The following L2HGDH variants were observed in gnomAD, a reference collection of about 807,000 sequenced individuals.
L2HGDH encodes L-2-hydroxyglutarate dehydrogenase, mitochondrial.
In L2HGDH, 34 loss-of-function variants were observed where a neutral mutation model predicts 51.5. The ratio of observed to expected loss-of-function variants is 0.66; its 90% CI spans 0.50 to 0.88. The LOEUF (loss-of-function observed/expected upper bound fraction) is 0.88. Ranked by LOEUF, L2HGDH falls within the 40% of genes least tolerant of loss-of-function variation. The pLI is 0.00. For missense variants in L2HGDH, 558 were observed against 571.9 expected (o/e 0.98, Z 0.25); for synonymous variants, 198 against 197.9 (o/e 1.00, Z -0.01).
At chr14:50,262,441 A>G (rs1324243442) in intron 9 of L2HGDH, among the ~76,000 whole-genome samples, 2 of 151,992 alleles carry the variant, frequency 1.3e-5, no homozygotes, top group Non-Finnish European at 2.9e-5. Flanking sequence ...AAAAAAAAAA[A>G]AAAAGTCTAT....
intron 1 of L2HGDH, chr14:50,311,353 A>T: frequency 2.2e-6 from 1 of 455,944 alleles, no homozygotes; most frequent in South Asian, 1.6e-5. Context: ...AACTTCAGTC[A>T]CACTCATATG....
At chr14:50,301,577 C>T (rs763115864) in intron 3 of L2HGDH, among the ~76,000 whole-genome samples, 10 of 152,178 alleles carry the variant, frequency 6.6e-5, no homozygotes, top group South Asian at 2.1e-4. Context: ...CAAAAGACTA[C>T]ATAGTATATG....
At position 50,251,869 on chromosome 14, in the gene L2HGDH, G is replaced by A. The variant is rs1888371122; in HGVS notation, c.1197-4616C>T. ...TATGTCCTACAAGAAATACTAAAGA[G>A]AGTTCTTCAATCTGAAAGAAAAGGA... On this transcript the variant is annotated intron_variant, in intron 9 of 9. Coordinates refer to ENST00000267436, the MANE Select transcript of L2HGDH (RefSeq NM_024884.3). Among the ~76,000 whole-genome samples, 2 of 152,038 alleles carry A rather than the reference G, an allele frequency of 1.3e-5. 1 individual carries two copies. Among genetic ancestry groups the A allele is most frequent in the South Asian group, 4.1e-4 (2 of 4,834 alleles).
rs141715606 is a variant in L2HGDH at position 50,265,399 on chromosome 14, A to C, written c.1155T>G (p.Leu385=). ...TAGTAATTTCAGGGATGAATTTTTGAAGATACTTCACTGTTGCACCAAGAA... is the reference window on the plus strand; with the variant it reads ...TAGTAATTTCAGGGATGAATTTTTGCAGATACTTCACTGTTGCACCAAGAA... The part of the protein sequence containing the change: ...ACFLGATVKY[L]QKFIPEITIS... Residue 385 remains leucine, a synonymous_variant, in exon 9 of 10, where the codon CTT becomes CTG. Coordinates refer to ENST00000267436, the MANE Select transcript of L2HGDH (RefSeq NM_024884.3). 44 of 1,612,448 alleles carry C rather than the reference A, an allele frequency of 2.7e-5. No homozygotes were observed. In the African/African-American group the frequency reaches 4.4e-4, roughly 16 times the overall value.
chr14:50,294,884 G>C (rs112373096), intron 3 of L2HGDH, among the ~76,000 whole-genome samples: 3 of 152,270 alleles, frequency 2.0e-5, no homozygotes, highest in African/African-American at 7.2e-5. Flanking sequence ...GAAAACACAG[G>C]TGCATATTCG....
intron 4 of L2HGDH, among the ~76,000 whole-genome samples, chr14:50,293,734 T>C (rs889085917): frequency 6.6e-5 from 10 of 152,218 alleles, no homozygotes; most frequent in Non-Finnish European, 1.3e-4. Flanking sequence ...CCGTGCCTAC[T>C]GGATAAACTT....
intron 9 of L2HGDH, among the ~76,000 whole-genome samples, chr14:50,261,238 C>T (rs1473364433): frequency 2.0e-5 from 3 of 152,140 alleles, no homozygotes; most frequent in African/African-American, 7.2e-5. Context: ...GCCATTACAA[C>T]TTTATTGTAG....
At position 50,312,090 on chromosome 14, in the gene L2HGDH, C is replaced by T. The variant is rs772633017; in HGVS notation, c.61G>A (p.Gly21Ser). Residue 21 changes from glycine (G) to serine (S), a missense_variant, in exon 1 of 10, where the codon GGT becomes AGT. This residue lies in a region of L2HGDH where 194 missense variants were observed against 187.2 expected (regional missense o/e 1.04). Coordinates refer to ENST00000267436, the MANE Select transcript of L2HGDH (RefSeq NM_024884.3). ...AACCCGCACGCCCCAGGGGAGCCACCGGCGAAAAGCCCGCGGGCCCGTCCG... is the reference window on the plus strand; with the variant it reads ...AACCCGCACGCCCCAGGGGAGCCACTGGCGAAAAGCCCGCGGGCCCGTCCG... The part of the protein sequence containing the change: ...ACGRARGLFA[G>S]GSPGACGFAS... 2 of 1,606,810 alleles carry T rather than the reference C, an allele frequency of 1.2e-6. No individual in the cohort carries two copies. Among genetic ancestry groups the T allele is most frequent in the Admixed American group, 3.4e-5 (2 of 59,172 alleles).
chr14:50,306,032 C>T (rs1204078303), intron 1 of L2HGDH, among the ~76,000 whole-genome samples: 3 of 148,482 alleles, frequency 2.0e-5, no homozygotes, highest in Non-Finnish European at 4.4e-5. Flanking sequence ...AAAACGAGGA[C>T]TGACTGTTTT....
rs376430390 is a variant in L2HGDH at position 50,265,307 on chromosome 14, A to C, written c.1196+51T>G. 4.6e-6 allele frequency: 7 copies of C among 1,525,696 alleles called. No homozygotes were observed. In the African/African-American group the frequency reaches 9.5e-5, roughly 21 times the overall value. The allele number at this position is 1,525,696 out of a possible 1,614,324, so 94.5% of individuals were successfully genotyped here. ...AATCACCAAGTCAGACCCACCTCTC[A>C]AGTTCACATAGGTCAGGACTGTATT... On this transcript the variant is annotated intron_variant, in intron 9 of 9. Transcript: ENST00000267436.
chr14:50,309,233 T>C (rs2030909547), intron 1 of L2HGDH, among the ~76,000 whole-genome samples: 1 of 152,202 alleles, frequency 6.6e-6, no homozygotes, highest in African/African-American at 2.4e-5. Flanking sequence ...GATCTTGTCC[T>C]TTTTCTAAAA....
At chr14:50,285,616 T>C (rs1310038465) in intron 4 of L2HGDH, among the ~76,000 whole-genome samples, 1 of 152,176 alleles carries the variant, frequency 6.6e-6, no homozygotes, top group Non-Finnish European at 1.5e-5. Flanking sequence ...ACCATAAAAT[T>C]ATGTGACAAG....
rs1234875942 is a variant in L2HGDH, at chr14:50,259,397, C to T, written c.1196+5961G>A. Among the ~76,000 whole-genome samples, 3 of 126,124 alleles carry T rather than the reference C, an allele frequency of 2.4e-5. No individual in the cohort carries two copies. In the Admixed American group the frequency reaches 3.0e-4, roughly 12 times the overall value. The allele number at this position is 126,124 out of a possible 152,430, so 82.7% of individuals were successfully genotyped here. A position where few individuals can be genotyped will look rare whatever the true frequency, so the allele number is the denominator to read the frequency against. On this transcript the variant is annotated intron_variant, in intron 9 of 9. Transcript: ENST00000267436. ...TTTTTTTTTTTTTCAGAAATGGGGT[C>T]TCACTATGTCACCTGGGCTGATCTC...
At position 50,303,676 on chromosome 14, in the gene L2HGDH, C is replaced by T. The variant is rs548818579; in HGVS notation, c.141-659G>A. Reference sequence around the variant, plus strand: ...CCTGTAATCCCAACTACTCGGGAGGCTAAGGCTGGAGAATCGCTTGAACCT... The same window carrying T: ...CCTGTAATCCCAACTACTCGGGAGGTTAAGGCTGGAGAATCGCTTGAACCT... On this transcript the variant is annotated intron_variant, in intron 1 of 9. Coordinates refer to ENST00000267436, the MANE Select transcript of L2HGDH (RefSeq NM_024884.3). Among the ~76,000 whole-genome samples, 3 of 151,186 alleles carry T rather than the reference C, an allele frequency of 2.0e-5. No homozygotes were observed. The East Asian group carries it at 5.8e-4, about 29-fold the overall frequency.
At chr14:50,287,668 A>C (rs1249058511) in intron 4 of L2HGDH, among the ~76,000 whole-genome samples, 1 of 144,424 alleles carries the variant, frequency 6.9e-6, no homozygotes, top group Non-Finnish European at 1.5e-5. Context: ...TAGTTGACAC[A>C]TAATTATATT....
chr14:50,252,873 T>A (rs1018850673), intron 9 of L2HGDH, among the ~76,000 whole-genome samples: 4 of 151,978 alleles, frequency 2.6e-5, no homozygotes, highest in African/African-American at 9.7e-5. Flanking sequence ...ATTGGATAGA[T>A]CTCCCAGGCA....
At chr14:50,298,569 CT>C (rs999471075) in intron 3 of L2HGDH, among the ~76,000 whole-genome samples, 1 of 152,156 alleles carries the variant, frequency 6.6e-6, no homozygotes, top group Admixed American at 6.5e-5. Flanking sequence ...CCGCCTCAGC[CT>C]CCCAAAGTGC....
rs543650410 is a variant in L2HGDH at position 50,250,602 on chromosome 14, T to G, written c.1197-3349A>C. Among the ~76,000 whole-genome samples, 3 of 152,304 alleles carry G rather than the reference T, an allele frequency of 2.0e-5. No homozygotes were observed. The South Asian group carries it at 6.2e-4, about 32-fold the overall frequency. On this transcript the variant is annotated intron_variant, in intron 9 of 9. Transcript: ENST00000267436. ...GGGAAGGGCCCTGGGCAAGACCCAG[T>G]GCTGGGCTGGCTTCAGGTCTGACCC...
chr14:50,282,390 C>A, intron 5 of L2HGDH: 1 of 453,364 alleles, frequency 2.2e-6, no homozygotes, highest in Non-Finnish European at 4.4e-6. Context: ...GCTTCATAGC[C>A]AGTCTTTTTC....
Sources: gnomAD v4.1 joint callset for allele counts (sites outside exome capture counted in the v4.1 genomes callset) on GRCh38, gnomAD v4.1.1 for gene constraint, gnomAD v4.1.1 regional missense constraint, MANE v1.5 for transcripts, NCBI Gene and HGNC (gene_info 2026-07-23, HGNC 2026-07-21) for gene names.